Variants in ZMYM2 observed in about 807,000 individuals in gnomAD.
ZMYM2 encodes the protein zinc finger MYM-type containing 2, also known as zinc finger MYM-type protein 2.
ZMYM2 carries 56 observed loss-of-function variants against 162.8 expected under a neutral mutation model. The observed-to-expected ratio is 0.34, with a 90% CI of 0.28 to 0.43. ZMYM2 has a LOEUF of 0.43. Ranked by LOEUF, ZMYM2 falls within the 20% of genes least tolerant of loss-of-function variation. The probability of loss-of-function intolerance (pLI) is 1.00; values close to 1 mark genes in which losing one functional copy is unlikely to be tolerated. For synonymous variants in ZMYM2, 510 were observed against 541.6 expected (o/e 0.94, Z 0.81); for missense variants, 1,275 against 1,621.8 (o/e 0.79, Z 3.67).
chr13:20,063,386 G>A (rs551205158), intron 18 of ZMYM2, among the ~76,000 whole-genome samples: 160 of 137,274 alleles, frequency 1.2e-3, no homozygotes, highest in African/African-American at 3.3e-3. Context: ...TTGGGCAGCA[G>A]AGTGAGACCC....
intron 2 of ZMYM2, among the ~76,000 whole-genome samples, chr13:19,970,344 T>C (rs1027805530): frequency 7.9e-5 from 12 of 152,286 alleles, no homozygotes; most frequent in African/African-American, 2.9e-4. Flanking sequence ...TGATAACCTT[T>C]CATTAGGGAC....
intron 3 of ZMYM2, among the ~76,000 whole-genome samples, chr13:19,995,363 T>A (rs890713401): frequency 6.6e-6 from 1 of 152,214 alleles, no homozygotes; most frequent in Admixed American, 6.5e-5. Context: ...AAAAAATTTT[T>A]AAAAATTATT....
chr13:19,882,651 G>A, the ZMYM2 span, among the ~76,000 whole-genome samples: 2 of 152,090 alleles, frequency 1.3e-5, no homozygotes, highest in East Asian at 1.9e-4. Context: ...GGAGCCTGAG[G>A]TGGGAGGATC....
At chr13:19,929,039 C>T in the ZMYM2 span, among the ~76,000 whole-genome samples, 1 of 152,034 alleles carries the variant, frequency 6.6e-6, no homozygotes, top group African/African-American at 2.4e-5. Flanking sequence ...TATAAAAATG[C>T]GACTGATGTT....
At chr13:19,864,378 G>A in the ZMYM2 span, 1 of 154,996 alleles carries the variant, frequency 6.5e-6, no homozygotes, top group Non-Finnish European at 1.5e-5. Flanking sequence ...ACCAAACCCC[G>A]TGGGGCCAGG....
At chr13:19,876,916 G>A in the ZMYM2 span, among the ~76,000 whole-genome samples, 1 of 152,132 alleles carries the variant, frequency 6.6e-6, no homozygotes, top group Admixed American at 6.5e-5. Context: ...ACCTGAGACT[G>A]GATAATTTCT....
upstream of ZMYM2, among the ~76,000 whole-genome samples, chr13:19,957,199 T>C (rs1017410974): frequency 1.3e-5 from 2 of 152,226 alleles, no homozygotes; most frequent in African/African-American, 4.8e-5. Flanking sequence ...CCTCTGTAAG[T>C]TGCGTCTATT....
At chr13:19,989,566 C>G (rs1027971816) in intron 2 of ZMYM2, among the ~76,000 whole-genome samples, 1 of 151,992 alleles carries the variant, frequency 6.6e-6, no homozygotes, top group Non-Finnish European at 1.5e-5. Flanking sequence ...AGCCTCTGCC[C>G]GTCTACATGA....
intron 2 of ZMYM2, among the ~76,000 whole-genome samples, chr13:19,966,969 A>G (rs1955845977): frequency 6.6e-6 from 1 of 152,166 alleles, no homozygotes; most frequent in East Asian, 1.9e-4. Flanking sequence ...ACGGTTTTAC[A>G]TTGCTTATGG....
chr13:20,003,155 A>G lies in ZMYM2; in HGVS notation c.1133+20A>G, dbSNP rs182244678. On this transcript the variant is annotated intron_variant, in intron 4 of 24. Transcript: ENST00000610343. ...TAAAAAGTAAGGTTTACCTTTCAAC[A>G]TAATTACATATAGTTGAATTTTGGA... 26 of 1,595,906 alleles carry G rather than the reference A, an allele frequency of 1.6e-5. No individual in the cohort carries two copies. Among genetic ancestry groups the G allele is most frequent in the South Asian group, 1.5e-4 (13 of 89,014 alleles).
chr13:19,948,764 A>G, the ZMYM2 span, among the ~76,000 whole-genome samples: 2 of 152,202 alleles, frequency 1.3e-5, no homozygotes, highest in Non-Finnish European at 2.9e-5. Flanking sequence ...CTAGTGGGGA[A>G]GGCTATGCAG....
At chr13:20,055,167 G>A (rs1360007738) in intron 14 of ZMYM2, among the ~76,000 whole-genome samples, 1 of 152,088 alleles carries the variant, frequency 6.6e-6, no homozygotes, top group Non-Finnish European at 1.5e-5. Flanking sequence ...GGTGGATGGT[G>A]GTGGTCCTAG....
At chr13:20,005,561 ACAAG>A (rs967950159) in intron 5 of ZMYM2, among the ~76,000 whole-genome samples, 35 of 152,178 alleles carry the variant, frequency 2.3e-4, no homozygotes, top group African/African-American at 8.0e-4. Flanking sequence ...ATTTATTTAA[ACAAG>A]CAGGCAGACT....
At chr13:20,003,730 C>G (rs1950551019) in intron 4 of ZMYM2, among the ~76,000 whole-genome samples, 1 of 151,348 alleles carries the variant, frequency 6.6e-6, no homozygotes, top group Admixed American at 6.6e-5. Flanking sequence ...CCTCCTGGGT[C>G]CTCCACCTCC....
the ZMYM2 span, among the ~76,000 whole-genome samples, chr13:19,879,855 ATT>A: frequency 6.6e-6 from 1 of 152,218 alleles, no homozygotes; most frequent in Admixed American, 6.5e-5. Context: ...AGAGATTAGC[ATT>A]TGAGTCAGGA....
chr13:20,084,044 C>T (rs578124258), intron 24 of ZMYM2, among the ~76,000 whole-genome samples: 4 of 152,186 alleles, frequency 2.6e-5, no homozygotes, highest in Non-Finnish European at 5.9e-5. Context: ...GGGTCTTGCT[C>T]TCTCACCGAG....
At chr13:19,863,994 G>A in the ZMYM2 span, 1 of 152,204 alleles carries the variant, frequency 6.6e-6, no homozygotes, top group African/African-American at 2.4e-5. Context: ...GGGGCTCTCC[G>A]GGACCTACAC....
At chr13:20,046,554 T>TAA (rs137929093) in intron 12 of ZMYM2, among the ~76,000 whole-genome samples, 9,658 of 75,430 alleles carry the variant, frequency 0.13, 542 homozygotes, top group East Asian at 0.16. Context: ...ACTTTGTCTC[T>TAA]AAAAAAAAAA....
At chr13:19,986,377 A>G (rs1050663842) in intron 2 of ZMYM2, among the ~76,000 whole-genome samples, 1 of 152,134 alleles carries the variant, frequency 6.6e-6, no homozygotes, top group African/African-American at 2.4e-5. Flanking sequence ...AAAACAAAAA[A>G]AAAAAGAAGG....
Sources: gnomAD v4.1 joint callset for allele counts (sites outside exome capture counted in the v4.1 genomes callset) on GRCh38, gnomAD v4.1.1 for gene constraint, MANE v1.5 for transcripts, NCBI Gene and HGNC (gene_info 2026-07-23, HGNC 2026-07-21) for gene names.